The following GABRA3 variants were observed in gnomAD, a reference collection of about 807,000 sequenced individuals.
GABRA3 encodes the protein gamma-aminobutyric acid receptor subunit alpha-3.
In GABRA3, 10 loss-of-function variants were observed where a neutral mutation model predicts 30.1. That is an observed-to-expected ratio of 0.33 (90% CI 0.20 to 0.56). The LOEUF (loss-of-function observed/expected upper bound fraction) is 0.56. Ranked by LOEUF, GABRA3 falls within the 20% of genes least tolerant of loss-of-function variation. The probability of loss-of-function intolerance (pLI) is 0.89; values close to 1 mark genes in which losing one functional copy is unlikely to be tolerated. For missense variants in GABRA3, 233 were observed against 392.0 expected (o/e 0.59, Z 3.42); for synonymous variants, 151 against 146.8 (o/e 1.03, Z -0.21).
chrX:152,307,914 T>C (rs1169666607), intron 3 of GABRA3, among the ~76,000 whole-genome samples: 1 of 112,256 alleles, frequency 8.9e-6, no homozygotes, highest in Non-Finnish European at 1.9e-5. Context: ...GACTTCTGCC[T>C]TTGTGGAGCA....
intron 7 of GABRA3, among the ~76,000 whole-genome samples, chrX:152,205,937 T>C (rs1937535122): frequency 8.9e-6 from 1 of 112,796 alleles, no homozygotes; most frequent in African/African-American, 3.2e-5. Context: ...ACAAAAAGAA[T>C]TTTAATTTCC....
intron 1 of GABRA3, among the ~76,000 whole-genome samples, chrX:152,401,863 A>C (rs1929804952): frequency 1.8e-5 from 2 of 111,579 alleles, no homozygotes; most frequent in African/African-American, 6.5e-5. Context: ...GCCATGTAGA[A>C]ACCAGCACTA....
At chrX:152,431,923 A>G (rs757702471) in intron 1 of GABRA3, among the ~76,000 whole-genome samples, 76 of 111,945 alleles carry the variant, frequency 6.8e-4, no homozygotes, top group African/African-American at 2.5e-3. Context: ...TCTTGATTTT[A>G]GCCCTGGAAA....
intron 3 of GABRA3, among the ~76,000 whole-genome samples, chrX:152,300,560 C>G (rs1258433436): frequency 8.9e-6 from 1 of 112,255 alleles, no homozygotes; most frequent in Non-Finnish European, 1.9e-5. Context: ...ATGTCAACTG[C>G]GAAAGCCCAG....
At chrX:152,392,193 A>G (rs746035818) in intron 1 of GABRA3, 1 of 384,794 alleles carries the variant, frequency 2.6e-6, no homozygotes, top group Admixed American at 2.5e-5. Context: ...GCTTTGGTCC[A>G]GAAGCAGACG....
intron 5 of GABRA3, among the ~76,000 whole-genome samples, chrX:152,237,047 G>A (rs755334725): frequency 7.3e-5 from 8 of 109,254 alleles, no homozygotes; most frequent in Non-Finnish European, 1.5e-4. Flanking sequence ...TGCTTTTGGT[G>A]TTTTGGACAT....
intron 3 of GABRA3, among the ~76,000 whole-genome samples, chrX:152,299,514 A>G (rs1939593274): frequency 8.9e-6 from 1 of 111,796 alleles, no homozygotes; most frequent in Non-Finnish European, 1.9e-5. Flanking sequence ...TTGTTGTACC[A>G]AGAATGTATC....
intron 3 of GABRA3, among the ~76,000 whole-genome samples, chrX:152,296,657 A>G (rs1264193413): frequency 2.7e-5 from 3 of 110,195 alleles, no homozygotes; most frequent in Non-Finnish European, 5.7e-5. Flanking sequence ...AGTACCTGGA[A>G]TGTGCAGCAA....
intron 9 of GABRA3, among the ~76,000 whole-genome samples, chrX:152,177,652 C>T (rs1331006156): frequency 9.0e-6 from 1 of 111,193 alleles, no homozygotes; most frequent in Admixed American, 9.6e-5. Flanking sequence ...GAAACCTTCA[C>T]GTAGTGCTGG....
intron 1 of GABRA3, among the ~76,000 whole-genome samples, chrX:152,366,457 C>T (rs1054194796): frequency 8.9e-6 from 1 of 111,941 alleles, no homozygotes; most frequent in African/African-American, 3.2e-5. Flanking sequence ...TTCAGCTATG[C>T]TATTCTACTA....
chrX:152,234,981 A>C (rs1938168832), intron 5 of GABRA3, among the ~76,000 whole-genome samples: 1 of 111,527 alleles, frequency 9.0e-6, no homozygotes, highest in Non-Finnish European at 1.9e-5. Context: ...TGTTAATTTT[A>C]AGATTTTTTT....
Position 152,189,711 on chromosome X carries a change from C to T in GABRA3, c.1143+19G>A. On this transcript the variant is annotated intron_variant, in intron 9 of 9. Transcript: ENST00000370314. ...GTCTCTCGGGGGTGCTTCTCAGTTTCTCTTTTGCTATATCTCACCTTCATC... is the reference window on the plus strand; with the variant it reads ...GTCTCTCGGGGGTGCTTCTCAGTTTTTCTTTTGCTATATCTCACCTTCATC... 1 of 1,161,872 alleles carries T rather than the reference C, an allele frequency of 8.6e-7. No homozygotes were observed. The highest frequency in any genetic ancestry group is 1.8e-5 in the African/African-American group (1 of 56,510).
At chrX:152,229,041 T>A (rs1938018242) in intron 5 of GABRA3, among the ~76,000 whole-genome samples, 1 of 111,498 alleles carries the variant, frequency 9.0e-6, no homozygotes, top group South Asian at 3.8e-4. Flanking sequence ...AGCCTTTAAG[T>A]GACATGGTTG....
At chrX:152,199,173 T>C (rs1056533551) in intron 7 of GABRA3, among the ~76,000 whole-genome samples, 36 of 110,097 alleles carry the variant, frequency 3.3e-4, no homozygotes, top group Non-Finnish European at 4.2e-4. Context: ...GAGACCATCC[T>C]GGCTAACATG....
chrX:152,391,677 C>G (rs1261435532), intron 1 of GABRA3, among the ~76,000 whole-genome samples: 1 of 111,037 alleles, frequency 9.0e-6, no homozygotes, highest in African/African-American at 3.3e-5. Flanking sequence ...CAGAAAGACA[C>G]GATGAATAAT....
intron 3 of GABRA3, among the ~76,000 whole-genome samples, chrX:152,294,977 C>A (rs1400789945): frequency 1.8e-5 from 2 of 110,880 alleles, no homozygotes; most frequent in Non-Finnish European, 3.8e-5. Flanking sequence ...CCACTCCAGA[C>A]CCTGTTTGCC....
chrX:152,304,789 G>T (rs1492298), intron 3 of GABRA3, among the ~76,000 whole-genome samples: 12,080 of 110,531 alleles, frequency 0.11, 548 homozygotes, highest in African/African-American at 0.13. Context: ...CTGTTTTTTT[G>T]TTGTTGTTGT....
intron 4 of GABRA3, among the ~76,000 whole-genome samples, chrX:152,258,152 G>GCCT (rs1938668522): frequency 8.9e-6 from 1 of 111,746 alleles, no homozygotes; most frequent in Non-Finnish European, 1.9e-5. Flanking sequence ...ATCCAGTAGT[G>GCCT]ATTATGAAAA....
At chrX:152,358,465 G>A (rs1300561509) in intron 2 of GABRA3, among the ~76,000 whole-genome samples, 1 of 110,992 alleles carries the variant, frequency 9.0e-6, no homozygotes, top group Admixed American at 9.6e-5. Flanking sequence ...ACTTTTCTGG[G>A]TATAGAATCA....
Sources: allele counts gnomAD v4.1 joint callset (sites outside exome capture counted in the v4.1 genomes callset), GRCh38; gene constraint gnomAD v4.1.1; transcripts MANE v1.5; gene names NCBI Gene and HGNC (gene_info 2026-07-23, HGNC 2026-07-21).